The following ECHDC3 variants were observed in gnomAD, a reference collection of about 807,000 sequenced individuals.
ECHDC3 encodes enoyl-CoA hydratase domain containing 3.
In ECHDC3, 20 loss-of-function variants were observed where a neutral mutation model predicts 17.9. That is an observed-to-expected ratio of 1.12 (90% CI 0.79 to 1.63). ECHDC3 has a LOEUF of 1.63. ECHDC3 is among the 40% of genes most tolerant of loss of function. The pLI, the probability that ECHDC3 is intolerant of heterozygous loss-of-function variation, is 0.00. For synonymous variants in ECHDC3, 177 were observed against 149.7 expected (o/e 1.18, Z -1.33); for missense variants, 407 against 357.7 (o/e 1.14, Z -1.11).
At chr10:11,756,074 T>A (rs1356395216) in intron 4 of ECHDC3, among the ~76,000 whole-genome samples, 1 of 152,214 alleles carries the variant, frequency 6.6e-6, no homozygotes. Flanking sequence ...CAGTCTGTCT[T>A]GTTCCAGAAC....
chr10:11,749,589 C>G lies in ECHDC3; in HGVS notation c.387C>G (p.Ser129=). 6.2e-7 allele frequency: 1 copy of G among 1,613,948 alleles called. No homozygotes were observed. The highest frequency in any genetic ancestry group is 8.5e-7 in the Non-Finnish European group (1 of 1,180,008). ...DYHAEVFQTC[S]KVMMHIRNHP... Reference sequence around the variant, plus strand: ...ATGCCGAAGTATTTCAGACCTGTTCCAAGGTAAGCCAAGACGACAGTCGAC... The same window carrying G: ...ATGCCGAAGTATTTCAGACCTGTTCGAAGGTAAGCCAAGACGACAGTCGAC... The change falls in exon 3 of 5, where the codon TCC becomes TCG. Residue 129 remains serine, a synonymous_variant. Coordinates refer to ENST00000379215, the MANE Select transcript of ECHDC3 (RefSeq NM_024693.5).
intron 1 of ECHDC3, among the ~76,000 whole-genome samples, chr10:11,744,472 C>T (rs1038967773): frequency 6.6e-6 from 1 of 152,134 alleles, no homozygotes; most frequent in South Asian, 2.1e-4. Flanking sequence ...CTTCAGGGAC[C>T]TTCTCGTGGT....
chr10:11,747,644 A>G (rs1383382937), intron 2 of ECHDC3, among the ~76,000 whole-genome samples, 174 bp downstream of exon 2: 4 of 152,240 alleles, frequency 2.6e-5, no homozygotes, highest in Admixed American at 6.5e-5. Context: ...TAACGCTATT[A>G]ACTGCAGAAT....
intron 4 of ECHDC3, among the ~76,000 whole-genome samples, chr10:11,762,083 AT>A (rs763208398): frequency 6.2e-5 from 9 of 145,962 alleles, no homozygotes; most frequent in Non-Finnish European, 1.2e-4. Context: ...AAAAAAAAAA[AT>A]CCTGTCCTAC....
At chr10:11,742,776 G>A in intron 1 of ECHDC3, 30 bp downstream of exon 1, 5 of 1,225,268 alleles carry the variant, frequency 4.1e-6, no homozygotes, top group Non-Finnish European at 5.1e-6. Flanking sequence ...GGCTCCTCGC[G>A]TTGGTGCCGA....
At chr10:11,757,421 C>T (rs1386571267) in intron 4 of ECHDC3, among the ~76,000 whole-genome samples, 2 of 152,118 alleles carry the variant, frequency 1.3e-5, no homozygotes, top group African/African-American at 4.8e-5. Flanking sequence ...TCCAAGGAAG[C>T]CCAGTCTTCA....
At chr10:11,743,901 C>G (rs899193291) in intron 1 of ECHDC3, among the ~76,000 whole-genome samples, 1 of 152,230 alleles carries the variant, frequency 6.6e-6, no homozygotes, top group Non-Finnish European at 1.5e-5. Context: ...TATGAATCAG[C>G]AAAGGTGGTG....
rs748202494 is a variant in ECHDC3 at position 11,755,625 on chromosome 10, C to T, written c.591+17C>T. The T allele has an allele frequency of 3.8e-6, 6 of 1,596,042 alleles. No individual in the cohort carries two copies. Among genetic ancestry groups the T allele is most frequent in the Non-Finnish European group, 5.1e-6 (6 of 1,171,306 alleles). On this transcript the variant is annotated intron_variant, in intron 4 of 4. Coordinates refer to ENST00000379215, the MANE Select transcript of ECHDC3 (RefSeq NM_024693.5). ...CCTAGAAAGGTAATTTAACTCCCCC[C>T]ACCCACCTCTGCCTCCCAGCCTTCT...
intron 3 of ECHDC3, among the ~76,000 whole-genome samples, chr10:11,752,409 A>G (rs1832836694): frequency 6.6e-6 from 1 of 151,014 alleles, no homozygotes; most frequent in African/African-American, 2.4e-5. Flanking sequence ...TGTGAGCCAC[A>G]GCACCCGGCC....
chr10:11,759,376 A>C (rs1832920122), intron 4 of ECHDC3, among the ~76,000 whole-genome samples: 1 of 87,138 alleles, frequency 1.1e-5, no homozygotes, highest in African/African-American at 3.4e-5. Flanking sequence ...AAAAACAAAA[A>C]AAAAAAACAC....
rs1832957292 is a variant in ECHDC3, at chr10:11,761,882, T to TCC, written c.592-1342_592-1341insCC. Among the ~76,000 whole-genome samples, 3 of 152,288 alleles carry TCC rather than the reference T, an allele frequency of 2.0e-5. No homozygotes were observed. The South Asian group carries it at 6.2e-4, about 32-fold the overall frequency. On this transcript the variant is annotated intron_variant, in intron 4 of 4. Coordinates refer to ENST00000379215, the MANE Select transcript of ECHDC3 (RefSeq NM_024693.5). Reference sequence around the variant, plus strand: ...CCTTCCCTCATAAATATTTGATAAGTTGCTTGCTATGTGCAGGACAGTCTT... The same window carrying TCC: ...CCTTCCCTCATAAATATTTGATAAGTCCTGCTTGCTATGTGCAGGACAGTCTT...
At chr10:11,742,921 C>T in intron 1 of ECHDC3, 175 bp downstream of exon 1, 1 of 708,238 alleles carries the variant, frequency 1.4e-6, no homozygotes, top group Non-Finnish European at 1.9e-6. Context: ...ATTGTAGGGC[C>T]GTCGGTGGGA....
intron 4 of ECHDC3, among the ~76,000 whole-genome samples, chr10:11,762,555 C>T (rs922917140): frequency 2.0e-5 from 3 of 152,172 alleles, no homozygotes; most frequent in African/African-American, 7.2e-5. Flanking sequence ...GTGCAGCACG[C>T]AGTGGTTGTG....
At chr10:11,744,796 AAG>A (rs1204444768) in intron 1 of ECHDC3, among the ~76,000 whole-genome samples, 6 of 152,134 alleles carry the variant, frequency 3.9e-5, no homozygotes, top group South Asian at 4.1e-4. Context: ...TCAGATAAGA[AAG>A]AGAGGAGAGG....
chr10:11,743,359 TCTC>T (rs1832718452), intron 1 of ECHDC3, among the ~76,000 whole-genome samples: 6 of 152,150 alleles, frequency 3.9e-5, no homozygotes, highest in Admixed American at 3.9e-4. Context: ...AACGTCGTCT[TCTC>T]CTACCCTGAG....
Position 11,742,472 on chromosome 10 carries a change from G to A in ECHDC3, c.-105G>A, listed in dbSNP as rs1832704197. The stretch of plus-strand genomic sequence containing the variant: ...CGGGTCTCGGCCACCGTCGAGTTCC[G>A]TCGAGTTCCGTCCCGGCCCTGCTCA... On this transcript the variant is annotated 5_prime_UTR_variant, in exon 1 of 5. Transcript: ENST00000379215. The A allele has an allele frequency of 4.4e-6, 5 of 1,135,618 alleles. No individual in the cohort carries two copies. The highest frequency in any genetic ancestry group is 4.3e-5 in the Admixed American group (1 of 23,010). The allele number at this position is 1,135,618 out of a possible 1,614,324, so 70.3% of individuals were successfully genotyped here.
rs903223633 is a variant in ECHDC3 at position 11,761,206 on chromosome 10, C to G, written c.592-2018C>G. Among the ~76,000 whole-genome samples, 7 of 152,278 alleles carry G rather than the reference C, an allele frequency of 4.6e-5. No individual in the cohort carries two copies. The South Asian group carries it at 1.5e-3, about 32-fold the overall frequency. ...CTGTGGCTTAAAAACCTTCTAGATC[C>G]GTGGTTCTAAACTGGGAGCAGTATT... is the stretch of plus-strand genomic sequence containing the variant. On this transcript the variant is annotated intron_variant, in intron 4 of 4. Coordinates refer to ENST00000379215, the MANE Select transcript of ECHDC3 (RefSeq NM_024693.5).
At chr10:11,753,562 A>G (rs1832851871) in intron 3 of ECHDC3, among the ~76,000 whole-genome samples, 1 of 152,164 alleles carries the variant, frequency 6.6e-6, no homozygotes, top group Non-Finnish European at 1.5e-5. Flanking sequence ...GGGTGGTGCA[A>G]CAACACTCAG....
At chr10:11,751,519 T>C (rs1832822771) in intron 3 of ECHDC3, among the ~76,000 whole-genome samples, 1 of 152,232 alleles carries the variant, frequency 6.6e-6, no homozygotes, top group East Asian at 1.9e-4. Flanking sequence ...CAGAATGAGC[T>C]AGATATTTCA....
Sources: allele counts gnomAD v4.1 joint callset (sites outside exome capture counted in the v4.1 genomes callset), GRCh38; gene constraint gnomAD v4.1.1; transcripts MANE v1.5; gene names NCBI Gene and HGNC (gene_info 2026-07-23, HGNC 2026-07-21).